TNKS: variants seen among roughly 807,000 people sequenced by gnomAD.
The protein encoded by TNKS is poly [ADP-ribose] polymerase tankyrase-1.
TNKS carries 72 observed loss-of-function variants against 135.8 expected under a neutral mutation model. The observed-to-expected ratio is 0.53, with a 90% CI of 0.44 to 0.64. The LOEUF (loss-of-function observed/expected upper bound fraction) is 0.64. Ranked by LOEUF, TNKS falls within the 30% of genes least tolerant of loss-of-function variation. The pLI is 0.00. For missense variants in TNKS, 1,769 were observed against 1,674.0 expected, an observed-to-expected ratio of 1.06 and a Z score of -0.99; for synonymous variants, 849 against 649.3, an observed-to-expected ratio of 1.31 and a Z score of -4.68.
chr8:9,614,216 A>T (rs1192850838), intron 2 of TNKS, among the ~76,000 whole-genome samples: 1 of 152,210 alleles, frequency 6.6e-6, no homozygotes, highest in Non-Finnish European at 1.5e-5. Flanking sequence ...CTACACTTTG[A>T]TATTGTGGCA....
intron 1 of TNKS, among the ~76,000 whole-genome samples, chr8:9,572,897 A>G (rs1015626741): frequency 6.6e-6 from 1 of 152,214 alleles, no homozygotes; most frequent in Non-Finnish European, 1.5e-5. Flanking sequence ...TAGGTATTGC[A>G]TAAATGTGTC....
At chr8:9,644,368 A>G (rs187885647) in intron 3 of TNKS, among the ~76,000 whole-genome samples, 3 of 152,212 alleles carry the variant, frequency 2.0e-5, no homozygotes, top group Non-Finnish European at 2.9e-5. Flanking sequence ...TAAAGTGGCA[A>G]TTGGCTCTTT....
chr8:9,639,855 CACATATATTTCT>C (rs1472806024), intron 3 of TNKS, among the ~76,000 whole-genome samples: 1 of 152,146 alleles, frequency 6.6e-6, no homozygotes, highest in Non-Finnish European at 1.5e-5. Context: ...TCCTTTAAAA[CACATATATTTCT>C]ACATATATCT....
chr8:9,637,051 A>G (rs1048688919), intron 3 of TNKS, among the ~76,000 whole-genome samples: 1 of 152,234 alleles, frequency 6.6e-6, no homozygotes, highest in Non-Finnish European at 1.5e-5. Flanking sequence ...GACATGCAGA[A>G]GAATACAGTG....
chr8:9,565,693 T>TAC lies in TNKS; in HGVS notation c.673+9091_673+9092dup, dbSNP rs112370875. 3.1e-3 allele frequency among the ~76,000 whole-genome samples: 478 copies of TAC among 151,856 alleles called. 5 individuals carry two copies. The highest frequency in any genetic ancestry group is 0.011 in the African/African-American group (440 of 41,406). On this transcript the variant is annotated intron_variant, in intron 1 of 26. Coordinates refer to ENST00000310430, the MANE Select transcript of TNKS (RefSeq NM_003747.3). Reference sequence around the variant, plus strand: ...AGTGAAACCCCGTCTCTACTAAAAATACACACACACAAAATTAGCCTGGCG... The same window carrying TAC: ...AGTGAAACCCCGTCTCTACTAAAAATACACACACACACAAAATTAGCCTGGCG...
chr8:9,765,922 G>T (rs200658709), intron 24 of TNKS, 125 bp downstream of exon 24: 8 of 764,044 alleles, frequency 1.0e-5, no homozygotes, highest in Middle Eastern at 3.0e-4. Context: ...TGATTATTTT[G>T]TTCAAATAAT....
intron 5 of TNKS, among the ~76,000 whole-genome samples, chr8:9,697,337 C>G (rs1454757019): frequency 6.6e-6 from 1 of 152,214 alleles, no homozygotes; most frequent in South Asian, 2.1e-4. Context: ...AAACCTAAAA[C>G]TATAAAAATT....
intron 2 of TNKS, among the ~76,000 whole-genome samples, chr8:9,612,050 A>T (rs1482641274): frequency 4.6e-5 from 7 of 152,190 alleles, no homozygotes; most frequent in Admixed American, 4.6e-4. Flanking sequence ...TAAAAGCATT[A>T]TCAGAGATTT....
intron 5 of TNKS, among the ~76,000 whole-genome samples, chr8:9,692,325 G>C (rs1803313653): frequency 6.6e-6 from 1 of 152,068 alleles, no homozygotes; most frequent in Non-Finnish European, 1.5e-5. Context: ...AGTTCACTTA[G>C]GATAATGGCT....
chr8:9,566,317 C>G (rs910277039), intron 1 of TNKS: 1 of 152,070 alleles, frequency 6.6e-6, no homozygotes, highest in Admixed American at 6.5e-5. Flanking sequence ...AAACTTTGAG[C>G]AAGCTATCAA....
intron 1 of TNKS, among the ~76,000 whole-genome samples, chr8:9,572,613 T>C (rs967113725): frequency 1.3e-5 from 2 of 152,222 alleles, no homozygotes; most frequent in African/African-American, 4.8e-5. Flanking sequence ...CAGAAAACTT[T>C]AAAGAACTTT....
intron 1 of TNKS, among the ~76,000 whole-genome samples, chr8:9,560,711 G>GC (rs1290045060): frequency 1.3e-5 from 2 of 151,656 alleles, no homozygotes; most frequent in Non-Finnish European, 2.9e-5. Flanking sequence ...CCTGTCTGAG[G>GC]ATGTAAGAAG....
chr8:9,562,672 C>G (rs112495716), intron 1 of TNKS, among the ~76,000 whole-genome samples: 1 of 152,148 alleles, frequency 6.6e-6, no homozygotes, highest in Non-Finnish European at 1.5e-5. Flanking sequence ...AATTCAAACT[C>G]AGAACTATAG....
At chr8:9,723,932 A>C (rs1476603566) in intron 12 of TNKS, among the ~76,000 whole-genome samples, 7 of 152,216 alleles carry the variant, frequency 4.6e-5, no homozygotes, top group Non-Finnish European at 7.3e-5. Flanking sequence ...CCTAAATTAA[A>C]CATTGAAACC....
At chr8:9,579,444 T>C (rs1798085381) in intron 1 of TNKS, among the ~76,000 whole-genome samples, 1 of 152,208 alleles carries the variant, frequency 6.6e-6, no homozygotes, top group African/African-American at 2.4e-5. Context: ...TAGATTCGGT[T>C]ATCAGCAGTA....
intron 3 of TNKS, chr8:9,670,813 T>C (rs1436938778): frequency 6.6e-6 from 1 of 152,222 alleles, no homozygotes; most frequent in Admixed American, 6.5e-5. Flanking sequence ...GGTAATAGTT[T>C]TTCCAGGGTT....
chr8:9,717,097 A>T (rs1325307215), intron 11 of TNKS, among the ~76,000 whole-genome samples: 11 of 130,374 alleles, frequency 8.4e-5, no homozygotes, highest in Non-Finnish European at 1.6e-4. Flanking sequence ...ATATATATAT[A>T]TATATTTTCA....
chr8:9,765,328 A>C (rs1585438082), intron 23 of TNKS, among the ~76,000 whole-genome samples: 1 of 152,196 alleles, frequency 6.6e-6, no homozygotes, highest in East Asian at 1.9e-4. Flanking sequence ...ACTGGTACAC[A>C]TCAGAATAAC....
intron 2 of TNKS, among the ~76,000 whole-genome samples, chr8:9,598,412 C>G (rs1465869982): frequency 6.6e-6 from 1 of 152,046 alleles, no homozygotes; most frequent in African/African-American, 2.4e-5. Flanking sequence ...TATTATGGTA[C>G]AGGTTTAATC....
Sources: gnomAD v4.1 joint callset for allele counts (sites outside exome capture counted in the v4.1 genomes callset) on GRCh38, gnomAD v4.1.1 for gene constraint, MANE v1.5 for transcripts, NCBI Gene and HGNC (gene_info 2026-07-23, HGNC 2026-07-21) for gene names.